The following PHACTR1 variants were observed in gnomAD, a reference collection of about 807,000 sequenced individuals.
PHACTR1 encodes the protein RPEL repeat containing 1.
Under a neutral mutation model 69.2 loss-of-function variants are expected in PHACTR1, and 16 were observed. The observed-to-expected ratio is 0.23, with a 90% CI of 0.16 to 0.35. PHACTR1 has a LOEUF of 0.35. Among genes scored for constraint, PHACTR1 ranks in the 10% least tolerant of loss-of-function variants. PHACTR1 has a pLI of 1.00. For missense variants in PHACTR1, 510 were observed against 734.7 expected (o/e 0.69, Z 3.54); for synonymous variants, 312 against 284.5 (o/e 1.10, Z -0.97).
In PHACTR1 at chr6:12,919,149, T is replaced by G. The variant is rs529075510; in HGVS notation, c.251-134216T>G. Among the ~76,000 whole-genome samples, 7 of 151,744 alleles carry G rather than the reference T, an allele frequency of 4.6e-5. No individual in the cohort carries two copies. In the South Asian group the frequency reaches 1.5e-3, roughly 32 times the overall value. ...ACCCAGCCTGTAAAGACTTTTTTTA[T>G]TTTTATTTTTTGAGATGGAGTCTCA... On this transcript the variant is annotated intron_variant, in intron 4 of 14. Transcript: ENST00000332995.
chr6:13,187,332 G>T (rs1762950514), intron 7 of PHACTR1, among the ~76,000 whole-genome samples: 1 of 152,180 alleles, frequency 6.6e-6, no homozygotes, highest in African/African-American at 2.4e-5. Context: ...TAAAGAGAAG[G>T]CTGAAGCTTG....
At chr6:12,959,190 A>G (rs1433837592) in intron 4 of PHACTR1, among the ~76,000 whole-genome samples, 1 of 108,814 alleles carries the variant, frequency 9.2e-6, no homozygotes, top group Non-Finnish European at 1.8e-5. Context: ...AAAAAAAAAA[A>G]AAAAAGAAAA....
intron 4 of PHACTR1, among the ~76,000 whole-genome samples, chr6:12,802,221 T>A (rs978155330): frequency 6.6e-6 from 1 of 151,400 alleles, no homozygotes; most frequent in African/African-American, 2.4e-5. Flanking sequence ...AGGTGATGAG[T>A]AGATCTGACT....
At chr6:12,888,072 C>CAAA (rs33925347) in intron 4 of PHACTR1, among the ~76,000 whole-genome samples, 16,378 of 71,508 alleles carry the variant, frequency 0.23, 3,306 homozygotes, top group Middle Eastern at 0.38. Context: ...GACTCCATCT[C>CAAA]AAAAAAAAAA....
intron 4 of PHACTR1, among the ~76,000 whole-genome samples, chr6:12,800,251 T>C (rs927856689): frequency 6.6e-6 from 1 of 152,242 alleles, no homozygotes; most frequent in African/African-American, 2.4e-5. Context: ...TGTAAATCTC[T>C]GGAGTTCATT....
intron 4 of PHACTR1, among the ~76,000 whole-genome samples, chr6:12,952,553 C>G (rs1791424497): frequency 6.6e-6 from 1 of 152,120 alleles, no homozygotes. Context: ...CTTGAGAGCT[C>G]ATTTGCTTTC....
At chr6:13,234,172 A>C (rs1446688912) in intron 10 of PHACTR1, among the ~76,000 whole-genome samples, 1 of 152,232 alleles carries the variant, frequency 6.6e-6, no homozygotes, top group African/African-American at 2.4e-5. Context: ...TGAAGGGGAA[A>C]TCCAAGAACC....
chr6:13,146,754 G>T (rs1363622070), intron 5 of PHACTR1, among the ~76,000 whole-genome samples: 1 of 152,154 alleles, frequency 6.6e-6, no homozygotes, highest in Non-Finnish European at 1.5e-5. Context: ...TAGGTGTCTG[G>T]AATGAAATAC....
chr6:13,239,119 C>T (rs1772445581), intron 10 of PHACTR1, among the ~76,000 whole-genome samples: 1 of 152,150 alleles, frequency 6.6e-6, no homozygotes, highest in Admixed American at 6.5e-5. Context: ...GGTATTCGCT[C>T]ATCTTCAGAT....
chr6:12,856,819 G>T (rs982780205), intron 4 of PHACTR1, among the ~76,000 whole-genome samples: 6 of 152,154 alleles, frequency 3.9e-5, no homozygotes, highest in African/African-American at 7.2e-5. Context: ...TTTTATTTGA[G>T]AATTAAGCCA....
At chr6:12,926,179 C>A (rs1409578106) in intron 4 of PHACTR1, among the ~76,000 whole-genome samples, 2 of 152,154 alleles carry the variant, frequency 1.3e-5, no homozygotes, top group Non-Finnish European at 2.9e-5. Flanking sequence ...AATGCCCTGA[C>A]TTCTTCCTCG....
intron 4 of PHACTR1, among the ~76,000 whole-genome samples, chr6:12,849,274 A>G (rs1430998400): frequency 2.6e-5 from 4 of 152,196 alleles, no homozygotes; most frequent in Admixed American, 1.3e-4. Context: ...ACAATTAACA[A>G]TAAAGCGCTT....
chr6:13,182,475 G>A, intron 6 of PHACTR1, 44 bp from the exon 7 acceptor site: 1 of 1,596,990 alleles, frequency 6.3e-7, no homozygotes, highest in Non-Finnish European at 8.6e-7. Context: ...TTTCTTGAAA[G>A]GCAGACATTG....
intron 10 of PHACTR1, among the ~76,000 whole-genome samples, chr6:13,270,265 G>C (rs1338903513): frequency 6.6e-6 from 1 of 152,242 alleles, no homozygotes; most frequent in Non-Finnish European, 1.5e-5. Flanking sequence ...GGGGGAGAGA[G>C]GCAGAGCTTC....
At chr6:12,904,687 G>A (rs1318632058) in intron 4 of PHACTR1, among the ~76,000 whole-genome samples, 4 of 151,990 alleles carry the variant, frequency 2.6e-5, no homozygotes, top group Non-Finnish European at 4.4e-5. Flanking sequence ...TACCTGCAGG[G>A]TGAACCAGCT....
intron 6 of PHACTR1, among the ~76,000 whole-genome samples, chr6:13,164,658 C>T (rs1759526166): frequency 6.6e-6 from 1 of 152,132 alleles, no homozygotes; most frequent in Non-Finnish European, 1.5e-5. Context: ...ATTGATTTTG[C>T]CTGATAATGC....
In PHACTR1 at chr6:12,984,340, T is replaced by C. The variant is rs188985589; in HGVS notation, c.251-69025T>C. On this transcript the variant is annotated intron_variant, in intron 4 of 14. Transcript: ENST00000332995. ...AGAGTGTGGCCTTTTTTGTTGTTGTTGTTTTTTGGAAATTGATAACCATTG... is the reference window on the plus strand; with the variant it reads ...AGAGTGTGGCCTTTTTTGTTGTTGTCGTTTTTTGGAAATTGATAACCATTG... 1.6e-3 allele frequency among the ~76,000 whole-genome samples: 238 copies of C among 152,280 alleles called. 2 individuals are homozygous for C. Among genetic ancestry groups the C allele is most frequent in the Non-Finnish European group, 2.8e-3 (192 of 68,002 alleles).
intron 5 of PHACTR1, among the ~76,000 whole-genome samples, chr6:13,154,814 C>A (rs1002408455): frequency 2.0e-5 from 3 of 152,112 alleles, no homozygotes; most frequent in Admixed American, 2.0e-4. Context: ...CTTCTAAATT[C>A]TTTAACTTTT....
chr6:12,802,755 C>G (rs993420693), intron 4 of PHACTR1, among the ~76,000 whole-genome samples: 1 of 152,144 alleles, frequency 6.6e-6, no homozygotes, highest in Non-Finnish European at 1.5e-5. Context: ...AAGCTTAACT[C>G]CATAGGAATG....
Sources: gnomAD v4.1 joint callset for allele counts (sites outside exome capture counted in the v4.1 genomes callset) on GRCh38, gnomAD v4.1.1 for gene constraint, MANE v1.5 for transcripts, NCBI Gene and HGNC (gene_info 2026-07-23, HGNC 2026-07-21) for gene names.